The following BCKDHB variants were observed in gnomAD, a reference collection of about 807,000 sequenced individuals.
BCKDHB encodes 2-oxoisovalerate dehydrogenase subunit beta, mitochondrial.
In BCKDHB, 41 loss-of-function variants were observed where a neutral mutation model predicts 48.5. The observed-to-expected ratio is 0.85, with a 90% CI of 0.66 to 1.10. BCKDHB has a LOEUF of 1.10. BCKDHB is among the 50% of genes least tolerant of loss of function. BCKDHB has a pLI of 0.00. For synonymous variants in BCKDHB, 201 were observed against 174.8 expected (o/e 1.15, Z -1.18); for missense variants, 496 against 494.2 (o/e 1.00, Z -0.03).
At chr6:80,403,880 TATTA>T in the BCKDHB span, among the ~76,000 whole-genome samples, 1 of 152,048 alleles carries the variant, frequency 6.6e-6, no homozygotes, top group African/African-American at 2.4e-5. Context: ...CTATGACATT[TATTA>T]ATTTGTGTAT....
At chr6:80,203,245 C>T in intron 8 of BCKDHB, 33 bp downstream of exon 8, 2 of 1,464,068 alleles carry the variant, frequency 1.4e-6, no homozygotes, top group Middle Eastern at 1.7e-4. Flanking sequence ...ATGTCATTTC[C>T]CTGAAACCTT....
intron 3 of BCKDHB, among the ~76,000 whole-genome samples, chr6:80,142,790 G>A (rs117803570): frequency 1.3e-5 from 2 of 152,206 alleles, no homozygotes; most frequent in East Asian, 1.9e-4. Context: ...ACCACATGCA[G>A]TGAAGGAATT....
At position 80,203,260 on chromosome 6, in the gene BCKDHB, C is replaced by T. The variant is rs3749896; in HGVS notation, c.951+48C>T. The T allele has an allele frequency of 0.063, 81,483 of 1,287,204 alleles. 4,559 individuals are homozygous for T. Among genetic ancestry groups the T allele is most frequent in the South Asian group, 0.23 (19,359 of 84,254 alleles). 79.7% of individuals were successfully genotyped at this position (1,287,204 alleles called of 1,614,324 possible). On this transcript the variant is annotated intron_variant, in intron 8 of 9. Coordinates refer to ENST00000320393, the MANE Select transcript of BCKDHB (RefSeq NM_183050.4). ...ATGTCATTTCCCTGAAACCTTTGGC[C>T]AAATATGTTGTATATTTGCAAATAA...
At chr6:80,269,602 GAA>G (rs1777651656) in intron 8 of BCKDHB, among the ~76,000 whole-genome samples, 2 of 151,978 alleles carry the variant, frequency 1.3e-5, no homozygotes, top group Non-Finnish European at 2.9e-5. Context: ...AAAAGTTGGA[GAA>G]GTAGATACTT....
At chr6:80,114,704 G>A (rs1258936980) in intron 1 of BCKDHB, among the ~76,000 whole-genome samples, 1 of 152,184 alleles carries the variant, frequency 6.6e-6, no homozygotes, top group East Asian at 1.9e-4. Context: ...GAAAAGATTA[G>A]TTTTGGGAGC....
chr6:80,132,089 A>G (rs1770657847), intron 3 of BCKDHB, among the ~76,000 whole-genome samples: 1 of 152,068 alleles, frequency 6.6e-6, no homozygotes, highest in South Asian at 2.1e-4. Flanking sequence ...ATGTTGAGTT[A>G]CTGGTTGTTT....
intron 9 of BCKDHB, among the ~76,000 whole-genome samples, chr6:80,306,490 A>C (rs144679058): frequency 1.2e-3 from 179 of 152,322 alleles, no homozygotes; most frequent in African/African-American, 4.1e-3. Context: ...GACTTCATAA[A>C]GAATATAGGA....
intron 8 of BCKDHB, among the ~76,000 whole-genome samples, chr6:80,256,187 T>C (rs745363169): frequency 6.6e-6 from 1 of 152,170 alleles, no homozygotes; most frequent in Non-Finnish European, 1.5e-5. Context: ...TATTGGCATG[T>C]TTCTTTGTAT....
intron 4 of BCKDHB, 146 bp downstream of exon 4, chr6:80,167,957 T>C: frequency 1.1e-6 from 1 of 943,826 alleles, no homozygotes; most frequent in Non-Finnish European, 1.6e-6. Context: ...TATGAGCATA[T>C]ATTTAAAGAT....
chr6:80,421,446 G>T, the BCKDHB span, among the ~76,000 whole-genome samples: 1 of 152,218 alleles, frequency 6.6e-6, no homozygotes, highest in Non-Finnish European at 1.5e-5. Context: ...ACCTGAAAAG[G>T]TGGAAGCAAC....
At chr6:80,285,600 A>C (rs1766590116) in intron 9 of BCKDHB, among the ~76,000 whole-genome samples, 1 of 152,074 alleles carries the variant, frequency 6.6e-6, no homozygotes, top group Admixed American at 6.6e-5. Flanking sequence ...TTAAAAAACA[A>C]ACAAACAAAC....
chr6:80,212,397 G>A (rs112498803), intron 8 of BCKDHB, among the ~76,000 whole-genome samples: 10,998 of 152,080 alleles, frequency 0.072, 483 homozygotes, highest in South Asian at 0.1. Context: ...TCTCCTACTT[G>A]CATGTCCATT....
intron 3 of BCKDHB, among the ~76,000 whole-genome samples, chr6:80,136,304 A>G (rs184281582): frequency 1.6e-4 from 25 of 152,216 alleles, no homozygotes; most frequent in African/African-American, 5.3e-4. Flanking sequence ...CCAGAAATAA[A>G]CCCTTGAATA....
the BCKDHB span, among the ~76,000 whole-genome samples, chr6:80,433,410 C>T: frequency 4.5e-4 from 68 of 152,276 alleles, 1 homozygote; most frequent in East Asian, 0.013. Flanking sequence ...GCTGAGCTGC[C>T]GTTGGCTCCA....
intron 3 of BCKDHB, among the ~76,000 whole-genome samples, chr6:80,162,551 C>T (rs1362368278): frequency 6.6e-6 from 1 of 152,052 alleles, no homozygotes; most frequent in African/African-American, 2.4e-5. Context: ...TTATTTTTTC[C>T]ATCTTAAAAA....
chr6:80,382,797 G>A, the BCKDHB span, among the ~76,000 whole-genome samples: 1 of 151,992 alleles, frequency 6.6e-6, no homozygotes, highest in Admixed American at 6.6e-5. Context: ...TAATAAAATT[G>A]CATTATTACA....
At chr6:80,341,050 T>A (rs1229015978) in intron 9 of BCKDHB, among the ~76,000 whole-genome samples, 1 of 152,208 alleles carries the variant, frequency 6.6e-6, no homozygotes, top group Non-Finnish European at 1.5e-5. Flanking sequence ...TATACTTTTG[T>A]TGGTGAAGAG....
At chr6:80,169,087 T>G in intron 5 of BCKDHB, 57 bp downstream of exon 5, 1 of 1,576,414 alleles carries the variant, frequency 6.3e-7, no homozygotes, top group South Asian at 1.1e-5. Context: ...TTTTGATTCA[T>G]TCTATTTAAT....
intron 8 of BCKDHB, among the ~76,000 whole-genome samples, chr6:80,242,381 A>G (rs148685120): frequency 1.6e-3 from 249 of 152,266 alleles, no homozygotes; most frequent in African/African-American, 5.9e-3. Flanking sequence ...ATACCTCTCT[A>G]TCTTAACAAT....
Sources: gnomAD v4.1 joint callset for allele counts (sites outside exome capture counted in the v4.1 genomes callset) on GRCh38, gnomAD v4.1.1 for gene constraint, MANE v1.5 for transcripts, NCBI Gene and HGNC (gene_info 2026-07-23, HGNC 2026-07-21) for gene names.